ASCC3: variants seen among roughly 807,000 people sequenced by gnomAD.
ASCC3 encodes activating signal cointegrator 1 complex subunit 3.
Under a neutral mutation model 256.3 loss-of-function variants are expected in ASCC3, and 158 were observed. That is an observed-to-expected ratio of 0.62 (90% CI 0.54 to 0.70). The LOEUF (loss-of-function observed/expected upper bound fraction) is 0.70. Among genes scored for constraint, ASCC3 ranks in the 30% least tolerant of loss-of-function variants. ASCC3 has a pLI of 0.00. For synonymous variants in ASCC3, 948 were observed against 883.4 expected, an observed-to-expected ratio of 1.07 and a Z score of -1.30; for missense variants, 2,259 against 2,626.0, an observed-to-expected ratio of 0.86 and a Z score of 3.05.
At chr6:100,774,390 C>T (rs1420859123) in intron 8 of ASCC3, among the ~76,000 whole-genome samples, 1 of 151,768 alleles carries the variant, frequency 6.6e-6, no homozygotes, top group Non-Finnish European at 1.5e-5. Context: ...TTCGGAGATG[C>T]ACTCTCACTC....
chr6:100,532,404 ATATTTTTTTTT>A (rs1258469184), intron 37 of ASCC3, among the ~76,000 whole-genome samples: 5 of 47,958 alleles, frequency 1.0e-4, no homozygotes, highest in African/African-American at 1.5e-4. Flanking sequence ...ATATATATAT[ATATTTTTTTTT>A]TTTTTTTTTT....
intron 36 of ASCC3, among the ~76,000 whole-genome samples, chr6:100,568,458 C>A (rs929565511): frequency 2.7e-5 from 4 of 150,776 alleles, no homozygotes; most frequent in African/African-American, 9.7e-5. Flanking sequence ...CGATGTGGAG[C>A]ATTTTTTCAT....
At chr6:100,854,728 T>C (rs1029230666) in intron 3 of ASCC3, among the ~76,000 whole-genome samples, 1 of 152,146 alleles carries the variant, frequency 6.6e-6, no homozygotes, top group Non-Finnish European at 1.5e-5. Flanking sequence ...ACAATGTAAC[T>C]TCCCAAGCAA....
At chr6:100,755,962 TA>T (rs1781160439) in intron 10 of ASCC3, among the ~76,000 whole-genome samples, 2 of 152,076 alleles carry the variant, frequency 1.3e-5, no homozygotes, top group Non-Finnish European at 2.9e-5. Flanking sequence ...GTTATGCATC[TA>T]CATGGAAAAA....
intron 13 of ASCC3, among the ~76,000 whole-genome samples, chr6:100,684,083 G>A (rs239194): frequency 0.52 from 78,519 of 151,916 alleles, 20,585 homozygotes; most frequent in East Asian, 0.72. Flanking sequence ...TAATGATTCA[G>A]AAAACTGGAA....
At chr6:100,600,498 C>T (rs991087943) in intron 34 of ASCC3, among the ~76,000 whole-genome samples, 1 of 152,058 alleles carries the variant, frequency 6.6e-6, no homozygotes, top group Non-Finnish European at 1.5e-5. Flanking sequence ...TATTTAGTAC[C>T]TAACCCAGAC....
intron 8 of ASCC3, among the ~76,000 whole-genome samples, chr6:100,768,315 G>T (rs919502658): frequency 2.6e-5 from 4 of 152,040 alleles, no homozygotes; most frequent in African/African-American, 7.2e-5. Context: ...AAGACACAGA[G>T]CGGTTAAATA....
At chr6:100,583,884 T>C (rs1771473545) in intron 36 of ASCC3, among the ~76,000 whole-genome samples, 1 of 152,226 alleles carries the variant, frequency 6.6e-6, no homozygotes. Context: ...AGTTTCCATG[T>C]AGTTGAGCAG....
chr6:100,635,885 T>C (rs1774818777), intron 25 of ASCC3, among the ~76,000 whole-genome samples: 2 of 152,166 alleles, frequency 1.3e-5, no homozygotes, highest in African/African-American at 4.8e-5. Context: ...ATTAAAGCAC[T>C]AGCATTTTCT....
chr6:100,619,477 T>C (rs1773836078), intron 30 of ASCC3, among the ~76,000 whole-genome samples: 1 of 152,154 alleles, frequency 6.6e-6, no homozygotes. Flanking sequence ...TAATTAAAGA[T>C]TTTACAATCC....
intron 22 of ASCC3, among the ~76,000 whole-genome samples, chr6:100,646,005 A>G (rs1775361537): frequency 6.6e-6 from 1 of 152,186 alleles, no homozygotes. Flanking sequence ...TCAAAAAAGG[A>G]AAGAATATTA....
At chr6:100,725,740 C>A (rs1385817902) in intron 10 of ASCC3, 37 bp from the exon 11 acceptor site, 1 of 1,606,010 alleles carries the variant, frequency 6.2e-7, no homozygotes, top group Non-Finnish European at 8.5e-7. Flanking sequence ...GGGAAAGTTA[C>A]ATAGGTTATT....
At chr6:100,765,720 A>G (rs1781624067) in intron 10 of ASCC3, among the ~76,000 whole-genome samples, 1 of 152,228 alleles carries the variant, frequency 6.6e-6, no homozygotes, top group South Asian at 2.1e-4. Context: ...TAACCTTGGC[A>G]AAATAAACTT....
At chr6:100,659,635 T>C (rs914423433) in intron 16 of ASCC3, among the ~76,000 whole-genome samples, 1 of 151,492 alleles carries the variant, frequency 6.6e-6, no homozygotes, top group Non-Finnish European at 1.5e-5. Flanking sequence ...GATCAAATAG[T>C]TTTAGTGATG....
At chr6:100,680,561 T>A (rs772048131) in intron 13 of ASCC3, among the ~76,000 whole-genome samples, 2 of 152,204 alleles carry the variant, frequency 1.3e-5, no homozygotes, top group Non-Finnish European at 2.9e-5. Flanking sequence ...TTTTCTCATA[T>A]AGACTACTGC....
At chr6:100,539,673 A>C (rs575644281) in intron 37 of ASCC3, among the ~76,000 whole-genome samples, 2 of 152,132 alleles carry the variant, frequency 1.3e-5, no homozygotes. Context: ...TTTTAGTTAA[A>C]TGTTACCTTA....
At chr6:100,817,052 A>G (rs1770786560) in intron 4 of ASCC3, among the ~76,000 whole-genome samples, 1 of 152,092 alleles carries the variant, frequency 6.6e-6, no homozygotes, top group Non-Finnish European at 1.5e-5. Flanking sequence ...TCTAGCACGC[A>G]TGAAACTTCT....
chr6:100,539,192 C>A (rs1043061105), intron 37 of ASCC3, among the ~76,000 whole-genome samples: 1 of 152,178 alleles, frequency 6.6e-6, no homozygotes, highest in African/African-American at 2.4e-5. Context: ...TCTAGCACTA[C>A]AGCACTTAAG....
chr6:100,847,437 T>G (rs1772437810), intron 4 of ASCC3, among the ~76,000 whole-genome samples: 1 of 152,190 alleles, frequency 6.6e-6, no homozygotes, highest in East Asian at 1.9e-4. Flanking sequence ...TTAGTTGGCA[T>G]AACACCTATG....
Sources: gnomAD v4.1 joint callset for allele counts (sites outside exome capture counted in the v4.1 genomes callset) on GRCh38, gnomAD v4.1.1 for gene constraint, MANE v1.5 for transcripts, NCBI Gene and HGNC (gene_info 2026-07-23, HGNC 2026-07-21) for gene names.